The following DLGAP2 variants were observed in gnomAD, a reference collection of about 807,000 sequenced individuals.
The protein encoded by DLGAP2 is DLG associated protein 2, also known as disks large-associated protein 2.
Under a neutral mutation model 100.3 loss-of-function variants are expected in DLGAP2, and 26 were observed. The observed-to-expected ratio is 0.26, with a 90% confidence interval of 0.19 to 0.36. The LOEUF is 0.36. Ranked by LOEUF, DLGAP2 falls within the 10% of genes least tolerant of loss-of-function variation. The pLI, the probability that DLGAP2 is intolerant of heterozygous loss-of-function variation, is 1.00. For missense variants in DLGAP2, 1,858 were observed against 1,453.2 expected, an observed-to-expected ratio of 1.28 and a Z score of -4.53; for synonymous variants, 886 against 630.1, an observed-to-expected ratio of 1.41 and a Z score of -6.08.
At chr8:1,198,761 C>G (rs1302860086) in intron 2 of DLGAP2, among the ~76,000 whole-genome samples, 2 of 152,248 alleles carry the variant, frequency 1.3e-5, no homozygotes, top group Non-Finnish European at 2.9e-5. Context: ...CAAGACCACA[C>G]CTGAACGATG....
chr8:1,690,870 T>C (rs1022721626), intron 12 of DLGAP2, among the ~76,000 whole-genome samples: 4 of 152,024 alleles, frequency 2.6e-5, no homozygotes, highest in African/African-American at 9.7e-5. Context: ...GGTACATGGA[T>C]TGGTGAGTTT....
chr8:1,561,618 G>A (rs1307810282), intron 5 of DLGAP2, among the ~76,000 whole-genome samples: 3 of 152,204 alleles, frequency 2.0e-5, no homozygotes, highest in Admixed American at 6.5e-5. Flanking sequence ...CACCTTGGGG[G>A]TGCTACAGCT....
chr8:754,226 T>C (rs1820863163), intron 1 of DLGAP2: 1 of 152,196 alleles, frequency 6.6e-6, no homozygotes, highest in South Asian at 2.1e-4. Context: ...CTGACGGATT[T>C]CGTCCACTGT....
At chr8:1,601,292 G>T (rs1442033357) in intron 6 of DLGAP2, among the ~76,000 whole-genome samples, 1 of 152,196 alleles carries the variant, frequency 6.6e-6, no homozygotes, top group Non-Finnish European at 1.5e-5. Flanking sequence ...GAGCTCTCCT[G>T]TGTGATGTGT....
At chr8:950,187 G>A (rs1029917580) in intron 2 of DLGAP2, among the ~76,000 whole-genome samples, 3 of 152,152 alleles carry the variant, frequency 2.0e-5, no homozygotes, top group Non-Finnish European at 4.4e-5. Context: ...TCAATCTCAT[G>A]CCCGGCTGAA....
chr8:1,245,485 C>G (rs1205644802), intron 2 of DLGAP2, among the ~76,000 whole-genome samples: 1 of 152,184 alleles, frequency 6.6e-6, no homozygotes, highest in Non-Finnish European at 1.5e-5. Context: ...TGAAAGAAGC[C>G]AGTCATGAAA....
chr8:946,484 C>G (rs567640485), intron 2 of DLGAP2, among the ~76,000 whole-genome samples: 2 of 151,944 alleles, frequency 1.3e-5, no homozygotes, highest in South Asian at 2.1e-4. Context: ...AGGATGGTCT[C>G]GATCTCCTGA....
intron 4 of DLGAP2, among the ~76,000 whole-genome samples, chr8:1,506,263 A>G (rs1799909257): frequency 6.6e-6 from 1 of 152,152 alleles, no homozygotes; most frequent in Non-Finnish European, 1.5e-5. Flanking sequence ...AGCTCTACCT[A>G]TACTTGTCAT....
At chr8:1,445,552 G>A (rs1251736527) in intron 3 of DLGAP2, among the ~76,000 whole-genome samples, 3 of 152,098 alleles carry the variant, frequency 2.0e-5, no homozygotes, top group South Asian at 2.1e-4. Context: ...ATAAACACAC[G>A]CGTGCACGTG....
chr8:1,465,069 C>A (rs1314567768), intron 3 of DLGAP2, among the ~76,000 whole-genome samples: 1 of 152,240 alleles, frequency 6.6e-6, no homozygotes, highest in Non-Finnish European at 1.5e-5. Context: ...GGGTCACCAG[C>A]CAGGGATCCC....
chr8:1,452,758 G>A (rs1395538725), intron 3 of DLGAP2, among the ~76,000 whole-genome samples: 1 of 152,150 alleles, frequency 6.6e-6, no homozygotes, highest in Non-Finnish European at 1.5e-5. Flanking sequence ...TGGTTCTCCA[G>A]GTGTTTCCCA....
chr8:1,549,016 T>C lies in DLGAP2; in HGVS notation c.563T>C (p.Ile188Thr), dbSNP rs770676174. The C allele has an allele frequency of 3.8e-6, 6 of 1,597,392 alleles. No homozygotes were observed. Among genetic ancestry groups the C allele is most frequent in the Non-Finnish European group, 5.1e-6 (6 of 1,177,686 alleles). Reference protein sequence around the residue: ...VAHAGAKINRIPANLLDQFEK... With the variant: ...VAHAGAKINRTPANLLDQFEK... The stretch of plus-strand genomic sequence containing the variant: ...CACGCGGGCGCCAAGATCAACCGCA[T>C]CCCGGCCAACCTGCTGGACCAGTTC... The change falls in exon 5 of 15, where the codon ATC becomes ACC. Residue 188 changes from isoleucine (I) to threonine (T), a missense_variant. Coordinates refer to ENST00000637795, the MANE Select transcript of DLGAP2 (RefSeq NM_001346810.2).
intron 6 of DLGAP2, among the ~76,000 whole-genome samples, chr8:1,610,766 C>T (rs181914146): frequency 0.04 from 5,893 of 145,888 alleles, 417 homozygotes; most frequent in African/African-American, 0.15. Context: ...AACACCTCTA[C>T]GCAAATAAAC....
chr8:1,346,480 A>G (rs1801559282), intron 3 of DLGAP2, among the ~76,000 whole-genome samples: 1 of 147,710 alleles, frequency 6.8e-6, no homozygotes, highest in Non-Finnish European at 1.5e-5. Flanking sequence ...TTGTGTTCCC[A>G]TACACATCTG....
intron 3 of DLGAP2, among the ~76,000 whole-genome samples, chr8:1,294,296 T>C (rs1800122908): frequency 6.6e-6 from 1 of 152,210 alleles, no homozygotes; most frequent in African/African-American, 2.4e-5. Flanking sequence ...CATTGTCTTA[T>C]TAAGGGAAAA....
intron 13 of DLGAP2, among the ~76,000 whole-genome samples, chr8:1,696,686 G>C (rs994243755): frequency 6.6e-6 from 1 of 152,166 alleles, no homozygotes; most frequent in Non-Finnish European, 1.5e-5. Context: ...CATTTGTAAG[G>C]TGTCATCACC....
intron 2 of DLGAP2, among the ~76,000 whole-genome samples, chr8:942,276 T>A (rs1354558374): frequency 6.6e-6 from 1 of 152,242 alleles, no homozygotes; most frequent in Non-Finnish European, 1.5e-5. Context: ...TCTAAAGCTC[T>A]GCTGCCGCCT....
At chr8:1,266,628 C>T (rs2116920330) in intron 3 of DLGAP2, among the ~76,000 whole-genome samples, 1 of 152,306 alleles carries the variant, frequency 6.6e-6, no homozygotes, top group Middle Eastern at 3.4e-3. Flanking sequence ...AATATGCACC[C>T]TCTGTTCTCA....
chr8:808,454 C>T (rs1026174007), intron 1 of DLGAP2, among the ~76,000 whole-genome samples: 5 of 152,148 alleles, frequency 3.3e-5, no homozygotes, highest in Admixed American at 3.3e-4. Flanking sequence ...GGAGTAGCCC[C>T]TGGAAGGACA....
Sources: allele counts gnomAD v4.1 joint callset (sites outside exome capture counted in the v4.1 genomes callset), GRCh38; gene constraint gnomAD v4.1.1; transcripts MANE v1.5; gene names NCBI Gene and HGNC (gene_info 2026-07-23, HGNC 2026-07-21).